The following BPNT1 variants were observed in gnomAD, a reference collection of about 807,000 sequenced individuals.
BPNT1 encodes 3'(2'),5'-bisphosphate nucleotidase 1.
A neutral mutation model predicts 36.9 loss-of-function variants in BPNT1; 28 were observed. The observed-to-expected ratio is 0.76, with a 90% confidence interval of 0.56 to 1.04. BPNT1 has a LOEUF of 1.04. Among genes scored for constraint, BPNT1 ranks in the 50% least tolerant of loss-of-function variants. BPNT1 has a pLI of 0.00. For missense variants in BPNT1, 313 were observed against 372.9 expected (o/e 0.84, Z 1.32); for synonymous variants, 119 against 130.9 (o/e 0.91, Z 0.62).
At chr1:220,062,264 G>A (rs1663110488) in intron 7 of BPNT1, among the ~76,000 whole-genome samples, 1 of 149,592 alleles carries the variant, frequency 6.7e-6, no homozygotes, top group Non-Finnish European at 1.5e-5. Context: ...TCTAGCATTA[G>A]GTATATCTCC....
intron 1 of BPNT1, among the ~76,000 whole-genome samples, chr1:220,083,408 G>A (rs1188482264): frequency 1.3e-5 from 2 of 150,560 alleles, no homozygotes; most frequent in East Asian, 2.0e-4. Flanking sequence ...TCCGTCTCCC[G>A]GGTTCACACC....
chr1:220,067,960 C>G (rs974312906), intron 5 of BPNT1, among the ~76,000 whole-genome samples: 5 of 152,132 alleles, frequency 3.3e-5, no homozygotes, highest in African/African-American at 1.2e-4. Context: ...TCTAGAGCTT[C>G]CTTATTTCAC....
intron 6 of BPNT1, chr1:220,066,189 G>T (rs935742351): frequency 2.6e-6 from 3 of 1,147,028 alleles, no homozygotes; most frequent in Non-Finnish European, 2.4e-6. Context: ...TAAGCACTTA[G>T]ATTTTTTCTT....
chr1:220,082,123 G>GTGTATA (rs1553263455), intron 1 of BPNT1, among the ~76,000 whole-genome samples: 69 of 134,492 alleles, frequency 5.1e-4, no homozygotes, highest in African/African-American at 1.7e-3. Flanking sequence ...GAGAGAGAGT[G>GTGTATA]TATATATATA....
chr1:220,085,544 C>T (rs1168192701), intron 1 of BPNT1, among the ~76,000 whole-genome samples: 1 of 152,168 alleles, frequency 6.6e-6, no homozygotes, highest in African/African-American at 2.4e-5. Context: ...AAGCGCTTTA[C>T]CTGGCACAAG....
At chr1:220,079,257 T>C (rs757460388) in intron 2 of BPNT1, among the ~76,000 whole-genome samples, 3 of 151,992 alleles carry the variant, frequency 2.0e-5, no homozygotes, top group Non-Finnish European at 2.9e-5. Flanking sequence ...AGTCTTTTTT[T>C]TTTTTCTTTT....
At chr1:220,076,325 C>G (rs1282569523) in intron 2 of BPNT1, among the ~76,000 whole-genome samples, 1 of 151,760 alleles carries the variant, frequency 6.6e-6, no homozygotes, top group East Asian at 1.9e-4. Context: ...ATGGTGGAAC[C>G]CTATCTCTAC....
intron 7 of BPNT1, among the ~76,000 whole-genome samples, chr1:220,062,239 C>T (rs1043469616): frequency 1.3e-5 from 2 of 150,556 alleles, no homozygotes; most frequent in African/African-American, 2.4e-5. Flanking sequence ...GTGTGCTGCA[C>T]CCATTAACTC....
At chr1:220,083,815 A>G (rs1023585688) in intron 1 of BPNT1, among the ~76,000 whole-genome samples, 1 of 152,082 alleles carries the variant, frequency 6.6e-6, no homozygotes, top group Non-Finnish European at 1.5e-5. Context: ...TTCATCTATG[A>G]GTGTTTTGCA....
intron 1 of BPNT1, among the ~76,000 whole-genome samples, chr1:220,089,428 TA>T (rs1204711789): frequency 6.6e-6 from 1 of 152,212 alleles, no homozygotes; most frequent in Non-Finnish European, 1.5e-5. Context: ...AAGCAGTTTC[TA>T]AATTTGGGTG....
At chr1:220,086,313 C>T (rs914285256) in intron 1 of BPNT1, among the ~76,000 whole-genome samples, 1 of 152,152 alleles carries the variant, frequency 6.6e-6, no homozygotes, top group African/African-American at 2.4e-5. Context: ...CTCTGTCGCC[C>T]AGGCTAAAGT....
intron 1 of BPNT1, among the ~76,000 whole-genome samples, chr1:220,088,265 A>G (rs1655929307): frequency 6.6e-6 from 1 of 150,886 alleles, no homozygotes; most frequent in African/African-American, 2.4e-5. Context: ...AGGCCAAGGC[A>G]GGTGAATCAC....
intron 2 of BPNT1, among the ~76,000 whole-genome samples, chr1:220,076,104 C>T (rs746658207): frequency 6.6e-6 from 1 of 152,146 alleles, no homozygotes; most frequent in Non-Finnish European, 1.5e-5. Context: ...CGCAGTGGCT[C>T]ATGCCTGTAA....
chr1:220,086,449 T>C (rs188952853), intron 1 of BPNT1, among the ~76,000 whole-genome samples: 4 of 151,900 alleles, frequency 2.6e-5, no homozygotes, highest in African/African-American at 9.7e-5. Flanking sequence ...TTTTTTTATA[T>C]TTTTAGTAGA....
chr1:220,078,491 A>G (rs1420862782), intron 2 of BPNT1, among the ~76,000 whole-genome samples: 1 of 134,774 alleles, frequency 7.4e-6, no homozygotes, highest in Admixed American at 8.1e-5. Flanking sequence ...ATAATAATTT[A>G]TAATAAATTT....
intron 2 of BPNT1, among the ~76,000 whole-genome samples, chr1:220,078,544 T>C (rs1178379507): frequency 7.1e-6 from 1 of 141,374 alleles, no homozygotes; most frequent in Non-Finnish European, 1.5e-5. Context: ...TTATATATAT[T>C]ATAATTATAT....
chr1:220,069,842 A>G (rs1663889619), intron 4 of BPNT1, among the ~76,000 whole-genome samples: 1 of 152,156 alleles, frequency 6.6e-6, no homozygotes, highest in Non-Finnish European at 1.5e-5. Context: ...AGGCTGAGGC[A>G]GGAGAATCAC....
At chr1:220,061,720 G>A (rs1046274795) in intron 7 of BPNT1, among the ~76,000 whole-genome samples, 5 of 151,964 alleles carry the variant, frequency 3.3e-5, no homozygotes, top group Non-Finnish European at 7.4e-5. Context: ...GGTAGAAAGA[G>A]GATGAACTCA....
intron 1 of BPNT1, among the ~76,000 whole-genome samples, chr1:220,081,045 A>G (rs1465123605): frequency 2.6e-5 from 4 of 151,764 alleles, no homozygotes; most frequent in Non-Finnish European, 5.9e-5. Flanking sequence ...GCTCACTGCA[A>G]CCTCTGCCTC....
Sources: allele counts gnomAD v4.1 joint callset (sites outside exome capture counted in the v4.1 genomes callset), GRCh38; gene constraint gnomAD v4.1.1; transcripts MANE v1.5; gene names NCBI Gene and HGNC (gene_info 2026-07-23, HGNC 2026-07-21).